PTK7: variants seen among roughly 807,000 people sequenced by gnomAD.
The protein encoded by PTK7 is inactive tyrosine-protein kinase 7.
A neutral mutation model predicts 116.6 loss-of-function variants in PTK7; 39 were observed. The observed-to-expected ratio is 0.33, with a 90% CI of 0.26 to 0.44. The LOEUF (loss-of-function observed/expected upper bound fraction) is 0.44, where lower values mean the gene tolerates loss of function less well. PTK7 is among the 20% of genes least tolerant of loss of function. The probability of loss-of-function intolerance (pLI) is 1.00; values close to 1 mark genes in which losing one functional copy is unlikely to be tolerated. For missense variants in PTK7, 1,169 were observed against 1,425.6 expected, an observed-to-expected ratio of 0.82 and a Z score of 2.90; for synonymous variants, 546 against 563.6, an observed-to-expected ratio of 0.97 and a Z score of 0.44.
rs376896300 is a variant in PTK7 at position 43,157,326 on chromosome 6, CTATATATATATATATATATATA to C, written c.2722-1473_2722-1452del. ...GCGTGCACACACACAGACACACACG[CTATATATATATATATATATATA>C]TATATATATATATATATTTTTTTTT... is the stretch of plus-strand genomic sequence containing the variant. On this transcript the variant is annotated intron_variant, in intron 17 of 19. Transcript: ENST00000230419. Among the ~76,000 whole-genome samples the C allele has an allele frequency of 1.8e-4, 4 of 22,006 alleles. 1 individual carries two copies. The highest frequency in any genetic ancestry group is 0.036 in the Middle Eastern group (1 of 28). 14.4% of individuals were successfully genotyped at this position (22,006 alleles called of 152,430 possible).
intron 17 of PTK7, among the ~76,000 whole-genome samples, chr6:43,156,131 AGG>A (rs1771411018): frequency 6.9e-6 from 1 of 144,172 alleles, no homozygotes; most frequent in Non-Finnish European, 1.5e-5. Context: ...TGGGAGGCTG[AGG>A]CACGAGAGTC....
At chr6:43,109,566 C>T (rs1361272132) in intron 1 of PTK7, among the ~76,000 whole-genome samples, 2 of 152,082 alleles carry the variant, frequency 1.3e-5, no homozygotes, top group Non-Finnish European at 2.9e-5. Context: ...ATATTCCCTC[C>T]AGCAAAGTAG....
chr6:43,160,063 C>A, intron 19 of PTK7, 97 bp downstream of exon 19: 1 of 1,305,430 alleles, frequency 7.7e-7, no homozygotes, highest in Non-Finnish European at 1.1e-6. Context: ...CCTCTCAGGG[C>A]TGCTACTGAG....
rs911852846 is a variant in PTK7 at position 43,123,293 on chromosome 6, A to G, written c.80-5684A>G. Among the ~76,000 whole-genome samples the G allele has an allele frequency of 8.5e-5, 13 of 152,328 alleles. No homozygotes were observed. The Middle Eastern group carries it at 0.01, about 120-fold the overall frequency. Reference sequence around the variant, plus strand: ...TTTAATGAGAGAGAGAAGTTGATTGATAGAATCAAACAGTGATGTGTGGCA... The same window carrying G: ...TTTAATGAGAGAGAGAAGTTGATTGGTAGAATCAAACAGTGATGTGTGGCA... On this transcript the variant is annotated intron_variant, in intron 1 of 19. Coordinates refer to ENST00000230419, the MANE Select transcript of PTK7 (RefSeq NM_002821.5).
chr6:43,138,374 A>G (rs1024442035), intron 7 of PTK7, among the ~76,000 whole-genome samples: 2 of 152,142 alleles, frequency 1.3e-5, no homozygotes, highest in African/African-American at 4.8e-5. Context: ...GTTAACTAAG[A>G]TAATGTTCAA....
intron 1 of PTK7, among the ~76,000 whole-genome samples, chr6:43,098,511 A>G (rs1767378702): frequency 6.6e-6 from 1 of 151,798 alleles, no homozygotes; most frequent in South Asian, 2.1e-4. Flanking sequence ...GCCTGCCACC[A>G]TGCCTGGCTA....
intron 1 of PTK7, among the ~76,000 whole-genome samples, chr6:43,100,987 C>G (rs1388158833): frequency 6.6e-6 from 1 of 151,994 alleles, no homozygotes; most frequent in Non-Finnish European, 1.5e-5. Flanking sequence ...AATCCCAGCA[C>G]TTTGGGAGGC....
chr6:43,129,517 CCTTGGCCAAGTGTCAGA>C lies in PTK7; in HGVS notation c.368-205_368-189del. The C allele has an allele frequency of 1.4e-6, 1 of 699,898 alleles. No individual in the cohort carries two copies. The allele number at this position is 699,898 out of a possible 1,614,324, so 43.4% of individuals were successfully genotyped here. On this transcript the variant is annotated intron_variant, in intron 2 of 19. Coordinates refer to ENST00000230419, the MANE Select transcript of PTK7 (RefSeq NM_002821.5). The surrounding 1 kb of genome is among the most constrained non-coding windows in gnomAD (Gnocchi z 4.5). ...GTGCAAATGGAAAGGGCGGCCGAGC[CCTTGGCCAAGTGTCAGA>C]CTTGACCTGCCAGGGACCAGGCAGG...
intron 1 of PTK7, among the ~76,000 whole-genome samples, chr6:43,103,212 T>A (rs1158324254): frequency 2.6e-5 from 4 of 152,144 alleles, no homozygotes; most frequent in Admixed American, 2.6e-4. Context: ...ATGGAAACTG[T>A]ATTGACAGCA....
At chr6:43,100,930 A>G (rs886541599) in intron 1 of PTK7, among the ~76,000 whole-genome samples, 1 of 152,228 alleles carries the variant, frequency 6.6e-6, no homozygotes, top group Admixed American at 6.5e-5. Context: ...ACTCTTAAAA[A>G]CGATTGAAAG....
chr6:43,140,845 A>T (rs1561975350), intron 10 of PTK7, among the ~76,000 whole-genome samples: 1 of 151,838 alleles, frequency 6.6e-6, no homozygotes, highest in African/African-American at 2.4e-5. Context: ...ATTTATTTTT[A>T]TTTTTTTTGT....
chr6:43,087,719 A>G (rs1438880266), intron 1 of PTK7, among the ~76,000 whole-genome samples: 2 of 152,146 alleles, frequency 1.3e-5, no homozygotes, highest in Non-Finnish European at 2.9e-5. Context: ...GCCCTTGCTG[A>G]GGCTCACTCA....
chr6:43,129,920 C>G lies in PTK7; in HGVS notation c.470+91C>G, dbSNP rs1769552472. 3 of 1,256,230 alleles carry G rather than the reference C, an allele frequency of 2.4e-6. No homozygotes were observed. The African/African-American group carries it at 4.4e-5, about 18-fold the overall frequency. 77.8% of individuals were successfully genotyped at this position (1,256,230 alleles called of 1,614,324 possible). A position where few individuals can be genotyped will look rare whatever the true frequency, so the allele number is the denominator to read the frequency against. On this transcript the variant is annotated intron_variant, in intron 3 of 19. Transcript: ENST00000230419. This position sits in a 1 kb window ranked among gnomAD's most constrained non-coding sequence, Gnocchi z 4.5. ...GACTCTATGCGGATGTTACCTCGCT[C>G]CATTCTGTGACCACTCGTTCCACCA...
intron 1 of PTK7, among the ~76,000 whole-genome samples, chr6:43,103,523 C>T (rs1767697064): frequency 6.6e-6 from 1 of 151,974 alleles, no homozygotes; most frequent in African/African-American, 2.4e-5. Context: ...GGAGCAGACC[C>T]CCCACTCCCA....
At chr6:43,111,564 A>T (rs1409770898) in intron 1 of PTK7, among the ~76,000 whole-genome samples, 1 of 152,198 alleles carries the variant, frequency 6.6e-6, no homozygotes, top group Non-Finnish European at 1.5e-5. Context: ...CTCACATAAT[A>T]CTTCCTATGT....
chr6:43,157,440 G>A (rs1449358799), intron 17 of PTK7, among the ~76,000 whole-genome samples: 2 of 136,532 alleles, frequency 1.5e-5, no homozygotes, highest in Non-Finnish European at 3.1e-5. Flanking sequence ...AAACTCCTGA[G>A]GTTAAGCAGT....
chr6:43,132,671 C>G lies in PTK7; in HGVS notation c.1212C>G (p.Val404=). 6.4e-7 allele frequency: 1 copy of G among 1,565,568 alleles called. No individual in the cohort carries two copies. The highest frequency in any genetic ancestry group is 8.7e-7 in the Non-Finnish European group (1 of 1,155,004). Residue 404 remains valine (V), a synonymous_variant, in exon 7 of 20, where the codon GTC becomes GTG. Coordinates refer to ENST00000230419, the MANE Select transcript of PTK7 (RefSeq NM_002821.5). Reference sequence around the variant, plus strand: ...TGGCTGGTCAGCGGAGACAGGATGTCAACATCACTGTGGCCAGTGAGCACC... The same window carrying G: ...TGGCTGGTCAGCGGAGACAGGATGTGAACATCACTGTGGCCAGTGAGCACC... The part of the protein sequence containing the change: ...ANLAGQRRQD[V]NITVATVPSW...
chr6:43,132,416 T>G lies in PTK7; in HGVS notation c.962-5T>G. 1 of 1,564,930 alleles carries G rather than the reference T, an allele frequency of 6.4e-7. No homozygotes were observed. Among genetic ancestry groups the G allele is most frequent in the Non-Finnish European group, 8.7e-7 (1 of 1,150,246 alleles). ...GGGCCATTCCTCCTACTTATGTCCT[T>G]GCAGAGATTGAAGACATGCCGCTAT... On this transcript the variant is annotated splice_polypyrimidine_tract_variant and splice_region_variant and intron_variant, in intron 6 of 19. Coordinates refer to ENST00000230419, the MANE Select transcript of PTK7 (RefSeq NM_002821.5).
chr6:43,088,052 C>G (rs1766752319), intron 1 of PTK7, among the ~76,000 whole-genome samples: 1 of 152,204 alleles, frequency 6.6e-6, no homozygotes, highest in Non-Finnish European at 1.5e-5. Context: ...AATCCTAGCA[C>G]TTTGGGAGGC....
Sources: gnomAD v4.1 joint callset for allele counts (sites outside exome capture counted in the v4.1 genomes callset) on GRCh38, gnomAD v4.1.1 for gene constraint, Gnocchi (gnomAD v3.1) non-coding constraint, MANE v1.5 for transcripts, NCBI Gene and HGNC (gene_info 2026-07-23, HGNC 2026-07-21) for gene names.